Variants in GRIN2A observed in about 807,000 individuals in gnomAD.
GRIN2A encodes the protein glutamate receptor ionotropic, NMDA 2A.
GRIN2A carries 22 observed loss-of-function variants against 113.4 expected under a neutral mutation model. That is an observed-to-expected ratio of 0.19 (90% CI 0.14 to 0.28). The LOEUF (loss-of-function observed/expected upper bound fraction) is 0.28. GRIN2A is among the 10% of genes least tolerant of loss of function. GRIN2A has a pLI of 1.00. For synonymous variants in GRIN2A, 827 were observed against 738.4 expected (o/e 1.12, Z -1.94); for missense variants, 1,502 against 1,887.0 (o/e 0.80, Z 3.78).
intron 2 of GRIN2A, among the ~76,000 whole-genome samples, chr16:10,152,753 C>T (rs975204788): frequency 5.3e-5 from 8 of 152,082 alleles, no homozygotes; most frequent in East Asian, 1.9e-4. Context: ...TATTATTCAA[C>T]GCAAAAAGGA....
intron 11 of GRIN2A, among the ~76,000 whole-genome samples, chr16:9,776,278 A>AT (rs34371083): frequency 0.024 from 3,123 of 129,586 alleles, 46 homozygotes; most frequent in Non-Finnish European, 0.035. Context: ...AACATCCTGG[A>AT]TTTTTTTTTT....
intron 7 of GRIN2A, among the ~76,000 whole-genome samples, chr16:9,838,437 A>G (rs9929000): frequency 0.054 from 8,218 of 152,260 alleles, 740 homozygotes; most frequent in African/African-American, 0.19. Flanking sequence ...AAAATGTGGT[A>G]TATATACATT....
intron 2 of GRIN2A, among the ~76,000 whole-genome samples, chr16:9,980,450 C>G (rs1371104742): frequency 6.6e-6 from 1 of 152,100 alleles, no homozygotes; most frequent in Admixed American, 6.5e-5. Flanking sequence ...GGATCTACAA[C>G]TAGAAATACC....
chr16:10,171,700 A>G (rs771083083), intron 2 of GRIN2A, among the ~76,000 whole-genome samples: 2 of 152,240 alleles, frequency 1.3e-5, no homozygotes, highest in Non-Finnish European at 2.9e-5. Context: ...TAAAAAGTAC[A>G]TGTACACTGG....
chr16:9,847,374 T>A (rs1205856071), intron 5 of GRIN2A, among the ~76,000 whole-genome samples: 1 of 151,794 alleles, frequency 6.6e-6, no homozygotes, highest in East Asian at 1.9e-4. Flanking sequence ...CTGAGTAACA[T>A]AGCAAGACTC....
chr16:9,825,144 T>G (rs926637747), intron 9 of GRIN2A, among the ~76,000 whole-genome samples: 5 of 152,198 alleles, frequency 3.3e-5, no homozygotes, highest in African/African-American at 1.2e-4. Flanking sequence ...GTTAACTGGT[T>G]TCACCTGGCT....
intron 2 of GRIN2A, among the ~76,000 whole-genome samples, chr16:10,018,990 T>C (rs2046663699): frequency 6.6e-6 from 1 of 151,812 alleles, no homozygotes; most frequent in Non-Finnish European, 1.5e-5. Context: ...AGAAAAAATA[T>C]TTTTTTTGGA....
At chr16:10,145,157 G>C (rs959442535) in intron 2 of GRIN2A, among the ~76,000 whole-genome samples, 4 of 152,120 alleles carry the variant, frequency 2.6e-5, no homozygotes, top group African/African-American at 4.8e-5. Context: ...GAATAGAATG[G>C]TGGTTGCCAA....
chr16:9,797,296 C>T (rs1437990148), intron 11 of GRIN2A, among the ~76,000 whole-genome samples: 1 of 152,222 alleles, frequency 6.6e-6, no homozygotes, highest in Non-Finnish European at 1.5e-5. Context: ...TGGTGTTAAC[C>T]TGCTATCTGA....
At chr16:9,877,700 G>T (rs1293934402) in intron 4 of GRIN2A, among the ~76,000 whole-genome samples, 2 of 116,566 alleles carry the variant, frequency 1.7e-5, no homozygotes, top group Non-Finnish European at 3.4e-5. Flanking sequence ...CCCTCTTCAG[G>T]CCCTCTCTAT....
intron 7 of GRIN2A, among the ~76,000 whole-genome samples, chr16:9,837,012 A>G (rs965497105): frequency 6.6e-6 from 1 of 152,228 alleles, no homozygotes; most frequent in African/African-American, 2.4e-5. Flanking sequence ...GCTTAGAGGC[A>G]TTACCTGCAA....
rs1462521857 is a variant in GRIN2A, at chr16:10,055,800, T to C, written c.415-117249A>G. 4.6e-5 allele frequency among the ~76,000 whole-genome samples: 7 copies of C among 152,200 alleles called. No individual in the cohort carries two copies. In the East Asian group the frequency reaches 1.3e-3, roughly 29 times the overall value. ...ATCCAATCTGAAACAATAAAAGCAA[T>C]TGTGCCTGTCTGAGGCATATTTTTC... On this transcript the variant is annotated intron_variant, in intron 2 of 12. Transcript: ENST00000330684.
intron 2 of GRIN2A, among the ~76,000 whole-genome samples, chr16:9,996,802 G>A (rs149638668): frequency 4.6e-5 from 7 of 152,152 alleles, no homozygotes; most frequent in African/African-American, 1.7e-4. Context: ...AGATGAATAG[G>A]GGTGGGGATT....
rs2043521434 is a variant in GRIN2A, at chr16:9,883,327, GAA to G, written c.1122+7657_1122+7658del. On this transcript the variant is annotated intron_variant, in intron 4 of 12. Transcript: ENST00000330684. The stretch of plus-strand genomic sequence containing the variant: ...AGGCCCAAACCCTTGTGGTGAAGCT[GAA>G]AAAACACAGATGAAAGGAACAGACC... 2.0e-5 allele frequency among the ~76,000 whole-genome samples: 3 copies of G among 152,186 alleles called. No homozygotes were observed. The South Asian group carries it at 6.2e-4, about 32-fold the overall frequency.
intron 10 of GRIN2A, among the ~76,000 whole-genome samples, chr16:9,819,471 A>G (rs1471585764): frequency 6.6e-6 from 1 of 151,674 alleles, no homozygotes; most frequent in Non-Finnish European, 1.5e-5. Flanking sequence ...GCAATAAGCT[A>G]TGATTACACT....
rs1060504865 is a variant in GRIN2A, at chr16:10,180,349, C to G, written c.63G>C (p.Pro21=). Residue 21 remains proline, a synonymous_variant, in exon 2 of 13, where the codon CCG becomes CCC. Transcript: ENST00000330684. This position sits in a 1 kb window ranked among gnomAD's most constrained non-coding sequence, Gnocchi z 7.0. ...VLPALLVWRG[P]APSAAAEKGP... ...CCTTCTCCGCCGCCGCGCTCGGCGC[C>G]GGACCGCGCCAGACCAGAAGGGCCG... is the stretch of plus-strand genomic sequence containing the variant. 5 of 1,608,204 alleles carry G rather than the reference C, an allele frequency of 3.1e-6. No individual in the cohort carries two copies. Among genetic ancestry groups the G allele is most frequent in the South Asian group, 1.1e-5 (1 of 91,060 alleles).
intron 2 of GRIN2A, among the ~76,000 whole-genome samples, chr16:10,110,050 C>G (rs1365849208): frequency 6.6e-6 from 1 of 151,918 alleles, no homozygotes; most frequent in Non-Finnish European, 1.5e-5. Flanking sequence ...ATCCCTCCCC[C>G]ATCCCCCCAC....
At chr16:10,040,030 A>G (rs2047126713) in intron 2 of GRIN2A, among the ~76,000 whole-genome samples, 1 of 474 alleles carries the variant, frequency 2.1e-3, no homozygotes, top group Non-Finnish European at 4.5e-3. Context: ...ACACACAAAT[A>G]TACTACACAC....
chr16:9,781,601 T>TC (rs1567292275), intron 11 of GRIN2A, among the ~76,000 whole-genome samples: 1 of 151,942 alleles, frequency 6.6e-6, no homozygotes, highest in East Asian at 1.9e-4. Context: ...GCTCAAGCAA[T>TC]CCCCCCACCT....
Sources: allele counts gnomAD v4.1 joint callset (sites outside exome capture counted in the v4.1 genomes callset), GRCh38; gene constraint gnomAD v4.1.1; non-coding constraint Gnocchi (gnomAD v3.1); transcripts MANE v1.5; gene names NCBI Gene and HGNC (gene_info 2026-07-23, HGNC 2026-07-21).